The following DHRS2 variants were observed in gnomAD, a reference collection of about 807,000 sequenced individuals.
DHRS2 encodes dehydrogenase/reductase 2.
DHRS2 carries 29 observed loss-of-function variants against 26.3 expected under a neutral mutation model. That is an observed-to-expected ratio of 1.10 (90% CI 0.82 to 1.50). The LOEUF (loss-of-function observed/expected upper bound fraction) is 1.50, where lower values mean the gene tolerates loss of function less well. Among genes scored for constraint, DHRS2 ranks in the 40% most tolerant of loss-of-function variants. DHRS2 has a pLI of 0.00. For synonymous variants in DHRS2, 164 were observed against 151.3 expected, an observed-to-expected ratio of 1.08 and a Z score of -0.62; for missense variants, 439 against 367.1, an observed-to-expected ratio of 1.20 and a Z score of -1.60.
At chr14:23,635,785 G>A (rs1232953295), upstream of DHRS2, among the ~76,000 whole-genome samples, 4 of 152,370 alleles carry the variant, frequency 2.6e-5, no homozygotes, top group South Asian at 2.1e-4. Flanking sequence ...CCCTCTGCTC[G>A]CCAGGAGGTG....
At chr14:23,630,359 C>T (rs222729) in intron 1 of DHRS2, 107,486 of 152,254 alleles carry the variant, frequency 0.71, 39,436 homozygotes, top group East Asian at 0.81. Context: ...CACTCCTGTT[C>T]ACTTTTTATG....
At chr14:23,642,269 C>A in intron 4 of DHRS2, 1 of 551,208 alleles carries the variant, frequency 1.8e-6, no homozygotes, top group Non-Finnish European at 2.3e-6. Flanking sequence ...AATAAATGCT[C>A]AGTCCTTATC....
Position 23,639,209 on chromosome 14 carries a change from C to T in DHRS2, c.171C>T (p.Ala57=). The part of the protein sequence containing the change: ...GIGFAIARRL[A]RDGAHVVISS... ...GCTTTGCCATCGCCCGACGTCTGGCCCGGGACGGGGCCCACGTGGTCATCA... is the reference window on the plus strand; with the variant it reads ...GCTTTGCCATCGCCCGACGTCTGGCTCGGGACGGGGCCCACGTGGTCATCA... The change falls in exon 3 of 9, where the codon GCC becomes GCT. Residue 57 remains alanine (A), a synonymous_variant. Transcript: ENST00000250383. 1 of 1,613,882 alleles carries T rather than the reference C, an allele frequency of 6.2e-7. No homozygotes were observed. Among genetic ancestry groups the T allele is most frequent in the Non-Finnish European group, 8.5e-7 (1 of 1,179,938 alleles).
In DHRS2 at chr14:23,638,981, C is replaced by T. The variant is rs146713514; in HGVS notation, c.117C>T (p.Ala39=). 1.9e-4 allele frequency: 307 copies of T among 1,613,560 alleles called. 1 individual carries two copies. The highest frequency in any genetic ancestry group is 3.1e-4 in the African/African-American group (23 of 75,042). ...AGGGCGTCCTGGCTAACCGGGTAGC[C>T]GTGGTCACGGGGTCCACCAGTGGGT... ...DRKGVLANRV[A]VVTGSTSGIG... Residue 39 remains alanine, a synonymous_variant, in exon 2 of 9, where the codon GCC becomes GCT. Coordinates refer to ENST00000250383, the MANE Select transcript of DHRS2 (RefSeq NM_005794.4).
rs1890512459 is a variant in DHRS2, at chr14:23,639,236, C to T, written c.198C>T (p.Ser66=). ...LARDGAHVVI[S]SRKQQNVDRA... is the part of the protein sequence containing the mutation. ...GGGACGGGGCCCACGTGGTCATCAG[C>T]AGCCGGAAGCAGCAGAACGTGGACC... Residue 66 remains serine (S), a synonymous_variant, in exon 3 of 9, where the codon AGC becomes AGT. Coordinates refer to ENST00000250383, the MANE Select transcript of DHRS2 (RefSeq NM_005794.4). 6.2e-7 allele frequency: 1 copy of T among 1,613,672 alleles called. No individual in the cohort carries two copies. Among genetic ancestry groups the T allele is most frequent in the Non-Finnish European group, 8.5e-7 (1 of 1,179,888 alleles).
Position 23,639,179 on chromosome 14 carries a change from G to C in DHRS2, c.141G>C (p.Gly47=), listed in dbSNP as rs746029038. The part of the protein sequence containing the change: ...RVAVVTGSTS[G]IGFAIARRLA... ...TTTTGCCCTCCATCTCTGCATTCAG[G>C]ATCGGCTTTGCCATCGCCCGACGTC... is the stretch of plus-strand genomic sequence containing the variant. Residue 47 remains glycine (G), a splice_region_variant and synonymous_variant, in exon 3 of 9, where the codon GGG becomes GGC. Transcript: ENST00000250383. 1 of 1,612,978 alleles carries C rather than the reference G, an allele frequency of 6.2e-7. No individual in the cohort carries two copies. The highest frequency in any genetic ancestry group is 2.2e-5 in the East Asian group (1 of 44,884).
At chr14:23,635,069 CT>C (rs796928235), upstream of DHRS2, among the ~76,000 whole-genome samples, 105 of 146,676 alleles carry the variant, frequency 7.2e-4, no homozygotes, top group Admixed American at 8.2e-4. Context: ...TCAGGTAGTT[CT>C]TTTTTTTTTT....
intron 7 of DHRS2, 42 bp downstream of exon 7, chr14:23,644,585 T>G: frequency 6.2e-7 from 1 of 1,614,110 alleles, no homozygotes; most frequent in South Asian, 1.1e-5. Context: ...TCTGGCTCAG[T>G]GGGAACCCTT....
Position 23,639,376 on chromosome 14 carries a change from A to G in DHRS2, c.318+20A>G. ...GCCAAGGTGAGGGGGCAGGCGGTGG[A>G]AGGACACAGAGAGGGGAACATGCAG... On this transcript the variant is annotated intron_variant, in intron 3 of 8. Transcript: ENST00000250383. 6.4e-7 allele frequency: 1 copy of G among 1,553,318 alleles called. No homozygotes were observed.
In DHRS2 at chr14:23,645,414, C is replaced by T. The variant is rs112621826; in HGVS notation, c.*161C>T. On this transcript the variant is annotated 3_prime_UTR_variant, in exon 9 of 9. Transcript: ENST00000250383. ...TTGAGGAAGAAGAAAAACGCTTCGGCATTCTCCTTAGGACTTATCTGCTTG... is the reference window on the plus strand; with the variant it reads ...TTGAGGAAGAAGAAAAACGCTTCGGTATTCTCCTTAGGACTTATCTGCTTG... 5.6e-5 allele frequency: 81 copies of T among 1,450,338 alleles called. 1 individual carries two copies. The African/African-American group carries it at 9.6e-4, about 17-fold the overall frequency. The allele number at this position is 1,450,338 out of a possible 1,614,324, so 89.8% of individuals were successfully genotyped here.
chr14:23,644,776 G>A (rs1890807793), intron 7 of DHRS2, 51 bp from the exon 8 acceptor site: 3 of 1,602,790 alleles, frequency 1.9e-6, no homozygotes, highest in Non-Finnish European at 2.6e-6. Context: ...CCGGGGCCCT[G>A]CCCATCTTGT....
In DHRS2 at chr14:23,638,884, G is replaced by A. The variant is rs145512436; in HGVS notation, c.20G>A (p.Arg7Gln). 114 of 1,614,002 alleles carry A rather than the reference G, an allele frequency of 7.1e-5. No individual in the cohort carries two copies. The African/African-American group carries it at 1.0e-3, about 14-fold the overall frequency. ...ACCACTATGCTGTCAGCAGTTGCCC[G>A]GGGCTACCAGGGCTGGTTTCATCCC... MLSAVA[R>Q]GYQGWFHPCA... Residue 7 changes from arginine (R) to glutamine (Q), a missense_variant, in exon 2 of 9, where the codon CGG becomes CAG. Arg to Gln is a conservative substitution (Grantham distance 43). Transcript: ENST00000250383.
chr14:23,632,274 G>C (rs1890143695), upstream of DHRS2, among the ~76,000 whole-genome samples: 1 of 152,202 alleles, frequency 6.6e-6, no homozygotes, highest in African/African-American at 2.4e-5. Flanking sequence ...ACAATGTTCA[G>C]AATCTGGTGT....
chr14:23,635,468 G>A (rs563256856), upstream of DHRS2, among the ~76,000 whole-genome samples: 2 of 152,296 alleles, frequency 1.3e-5, no homozygotes, highest in South Asian at 4.1e-4. Context: ...GTGCACACAT[G>A]ACCTCCTGTC....
At chr14:23,640,410 G>T in intron 4 of DHRS2, 1 of 985,422 alleles carries the variant, frequency 1.0e-6, no homozygotes, top group Non-Finnish European at 1.2e-6. Flanking sequence ...GCATTCCGGG[G>T]GCTTAGACAT....
At chr14:23,640,529 G>C in intron 4 of DHRS2, 1 of 725,604 alleles carries the variant, frequency 1.4e-6, no homozygotes, top group Non-Finnish European at 1.7e-6. Context: ...TTGTTCCCCA[G>C]TGACTTCTGT....
At chr14:23,631,216 G>C (rs186449592) in intron 1 of DHRS2, among the ~76,000 whole-genome samples, 3 of 152,260 alleles carry the variant, frequency 2.0e-5, no homozygotes, top group African/African-American at 2.4e-5. Context: ...TGCTATACTA[G>C]AGTCAGGTTA....
intron 5 of DHRS2, 48 bp downstream of exon 5, chr14:23,643,267 T>C (rs746097269): frequency 2.0e-5 from 32 of 1,574,414 alleles, no homozygotes; most frequent in Non-Finnish European, 2.7e-5. Context: ...GGACCTGAGG[T>C]GGGCACAGAA....
intron 1 of DHRS2, 141 bp from the exon 2 acceptor site, chr14:23,638,686 A>G (rs1281419225): frequency 2.5e-6 from 2 of 785,048 alleles, no homozygotes; most frequent in Admixed American, 2.7e-5. Flanking sequence ...TGAGGTTCAC[A>G]TGTTTGAAAT....
Sources: allele counts gnomAD v4.1 joint callset (sites outside exome capture counted in the v4.1 genomes callset), GRCh38; gene constraint gnomAD v4.1.1; transcripts MANE v1.5; gene names NCBI Gene and HGNC (gene_info 2026-07-23, HGNC 2026-07-21).